Variants in RBM3 observed in about 807,000 individuals in gnomAD.
RBM3 encodes the protein RNA binding motif protein 3, also known as RNA-binding protein 3.
In RBM3, 3 loss-of-function variants were observed where a neutral mutation model predicts 12.0. That is an observed-to-expected ratio of 0.25 (90% CI 0.11 to 0.65). The LOEUF (loss-of-function observed/expected upper bound fraction) is 0.65. RBM3 is among the 30% of genes least tolerant of loss of function. The pLI is 0.84. For synonymous variants in RBM3, 58 were observed against 45.7 expected, an observed-to-expected ratio of 1.27 and a Z score of -1.08; for missense variants, 108 against 134.5, an observed-to-expected ratio of 0.80 and a Z score of 0.97.
chrX:48,575,691 G>T, intron 3 of RBM3, 24 bp downstream of exon 3: 1 of 1,164,553 alleles, frequency 8.6e-7, no homozygotes, highest in Non-Finnish European at 1.2e-6. Context: ...TCTGCAGAGG[G>T]ACCTTGTCCC....
chrX:48,575,094 T>C (rs1556988920), intron 1 of RBM3, 74 bp from the exon 2 acceptor site: 3 of 753,260 alleles, frequency 4.0e-6, no homozygotes, highest in African/African-American at 2.1e-5. Context: ...TTTCTCTGCT[T>C]TCCGTCTCGC....
Position 48,579,986 on chromosome X carries a change from C to T in RBM3, c.*2545C>T, listed in dbSNP as rs1214202225. ...GACCACCCTTAAAGTGCTTGTTGGT[C>T]TCCTACTTTGGTTTGTCTTCAGCAT... is the stretch of plus-strand genomic sequence containing the variant. On this transcript the variant is annotated 3_prime_UTR_variant, in exon 7 of 7. Transcript: ENST00000376759. The T allele has an allele frequency of 9.0e-6, 1 of 110,917 alleles. No homozygotes were observed. Among genetic ancestry groups the T allele is most frequent in the Non-Finnish European group, 1.9e-5 (1 of 52,997 alleles). The allele number at this position is 110,917 out of a possible 1,213,427, so 9.1% of individuals were successfully genotyped here. A position where few individuals can be genotyped will look rare whatever the true frequency, so the allele number is the denominator to read the frequency against.
rs1260588764 is a variant in RBM3 at position 48,575,590 on chromosome X, C to T, written c.133C>T (p.Arg45Trp). 8.3e-7 allele frequency: 1 copy of T among 1,210,784 alleles called. No homozygotes were observed. The highest frequency in any genetic ancestry group is 1.1e-6 in the Non-Finnish European group (1 of 894,923). The change falls in exon 3 of 7, where the codon CGG becomes TGG. Residue 45 changes from arginine to tryptophan, a missense_variant. Coordinates refer to ENST00000376759, the MANE Select transcript of RBM3 (RefSeq NM_006743.5). ...VVVVKDRETQRSRGFGFITFT... is the reference protein window; with the variant it reads ...VVVVKDRETQWSRGFGFITFT... ...CGTTGTCAAGGACCGGGAGACTCAGCGGTCCAGGGGTTTTGGTTTCATCAC... is the reference window on the plus strand; with the variant it reads ...CGTTGTCAAGGACCGGGAGACTCAGTGGTCCAGGGGTTTTGGTTTCATCAC...
intron 1 of RBM3, 53 bp from the exon 2 acceptor site, chrX:48,575,115 C>A (rs1556988926): frequency 3.4e-6 from 3 of 895,521 alleles, no homozygotes; most frequent in Non-Finnish European, 4.8e-6. Context: ...TATTTTCTCA[C>A]ATCTCCATTT....
At chrX:48,576,261 A>G (rs1556989176) in intron 3 of RBM3, 53 bp from the exon 4 acceptor site, 1 of 1,176,907 alleles carries the variant, frequency 8.5e-7, no homozygotes, top group Non-Finnish European at 1.1e-6. Context: ...CTCTTCCCTC[A>G]CCATTGCCCT....
At position 48,577,107 on chromosome X, in the gene RBM3, T is replaced by C. The variant is rs781967715; in HGVS notation, c.*21T>C. On this transcript the variant is annotated splice_region_variant and 3_prime_UTR_variant, in exon 6 of 7. Coordinates refer to ENST00000376759, the MANE Select transcript of RBM3 (RefSeq NM_006743.5). Reference sequence around the variant, plus strand: ...ACTGAAATGAGACATGCACATAATATAGGTGAGACTTGGATATCGGCATTG... The same window carrying C: ...ACTGAAATGAGACATGCACATAATACAGGTGAGACTTGGATATCGGCATTG... 2.5e-6 allele frequency: 3 copies of C among 1,211,704 alleles called. No individual in the cohort carries two copies. The highest frequency in any genetic ancestry group is 3.0e-5 in the East Asian group (1 of 33,855).
chrX:48,575,815 G>C, intron 3 of RBM3, 148 bp downstream of exon 3: 1 of 619,003 alleles, frequency 1.6e-6, no homozygotes, highest in South Asian at 3.0e-5. Flanking sequence ...TTTGTTCTAG[G>C]GGGTGGAGGG....
chrX:48,577,332 T>C (rs2062085530), intron 6 of RBM3, 133 bp from the exon 7 acceptor site: 3 of 904,441 alleles, frequency 3.3e-6, no homozygotes. Context: ...TCTTCTACTC[T>C]TGTGTGGGAT....
chrX:48,576,896 C>T, intron 5 of RBM3, 130 bp from the exon 6 acceptor site: 1 of 855,413 alleles, frequency 1.2e-6, no homozygotes, highest in Non-Finnish European at 1.6e-6. Context: ...TACTCATATG[C>T]TTAACATATC....
chrX:48,574,596 A>C (rs1310627426), intron 1 of RBM3, 23 bp downstream of exon 1: 5 of 330,510 alleles, frequency 1.5e-5, no homozygotes, highest in Non-Finnish European at 1.8e-5. Context: ...TGTCCTGCGA[A>C]ACGGCGGCTC....
At chrX:48,574,889 G>A in intron 1 of RBM3, 1 of 409,317 alleles carries the variant, frequency 2.4e-6, no homozygotes, top group Non-Finnish European at 4.5e-6. Context: ...AGGGAACGCA[G>A]GGATGTTCTG....
intron 5 of RBM3, 124 bp downstream of exon 5, chrX:48,576,728 T>C: frequency 9.6e-7 from 1 of 1,043,519 alleles, no homozygotes; most frequent in Non-Finnish European, 1.3e-6. Flanking sequence ...AGTATGAAAT[T>C]TAGCATTTTA....
At position 48,574,484 on chromosome X, in the gene RBM3, AT is replaced by A; in HGVS notation, c.-102del. 1 of 327,788 alleles carries A rather than the reference AT, an allele frequency of 3.1e-6. No individual in the cohort carries two copies. Among genetic ancestry groups the A allele is most frequent in the Non-Finnish European group, 5.9e-6 (1 of 168,223 alleles). The allele number at this position is 327,788 out of a possible 1,213,427, so 27.0% of individuals were successfully genotyped here. On this transcript the variant is annotated 5_prime_UTR_variant, in exon 1 of 7. Coordinates refer to ENST00000376759, the MANE Select transcript of RBM3 (RefSeq NM_006743.5). ...GGGACGTTCTCGCTACGTACTCTTTATCAATCGTCTTCCGGCGCAGCCCCGT... is the reference window on the plus strand; with the variant it reads ...GGGACGTTCTCGCTACGTACTCTTTACAATCGTCTTCCGGCGCAGCCCCGT...
intron 3 of RBM3, 102 bp downstream of exon 3, chrX:48,575,769 G>C: frequency 1.3e-6 from 1 of 740,910 alleles, no homozygotes. Flanking sequence ...TGGCCACCAA[G>C]CCCCGCAGTG....
rs1480480692 is a variant in RBM3, at chrX:48,578,596, G to A, written c.*1155G>A. On this transcript the variant is annotated 3_prime_UTR_variant, in exon 7 of 7. Transcript: ENST00000376759. ...AAAAAAAAAAAAATGGCACATCAAC[G>A]AGAGGGAGGCTTGGAGAATATTTGG... 9.1e-6 allele frequency: 1 copy of A among 110,460 alleles called. No homozygotes were observed. Among genetic ancestry groups the A allele is most frequent in the African/African-American group, 3.3e-5 (1 of 30,406 alleles). 9.1% of individuals were successfully genotyped at this position (110,460 alleles called of 1,213,427 possible). A position where few individuals can be genotyped will look rare whatever the true frequency, so the allele number is the denominator to read the frequency against.
At chrX:48,574,676 C>T (rs1556988780) in intron 1 of RBM3, 103 bp downstream of exon 1, 1 of 331,326 alleles carries the variant, frequency 3.0e-6, no homozygotes, top group Non-Finnish European at 5.9e-6. Context: ...GCCACTGACA[C>T]GTAGGCTTGG....
In RBM3 at chrX:48,577,539, C is replaced by T; in HGVS notation, c.*98C>T. ...ATTTATAAAGGTTTTTGGAGCTGCA[C>T]CGAAGCATCTTATTTTATAGTATAT... is the stretch of plus-strand genomic sequence containing the variant. On this transcript the variant is annotated 3_prime_UTR_variant, in exon 7 of 7. Transcript: ENST00000376759. 1.0e-6 allele frequency: 1 copy of T among 970,704 alleles called. No homozygotes were observed. Among genetic ancestry groups the T allele is most frequent in the Non-Finnish European group, 1.3e-6 (1 of 741,975 alleles). The allele number at this position is 970,704 out of a possible 1,213,427, so 80.0% of individuals were successfully genotyped here.
rs1556988717 is a variant in RBM3 at position 48,574,505 on chromosome X, C to T, written c.-82C>T. On this transcript the variant is annotated 5_prime_UTR_variant, in exon 1 of 7. Transcript: ENST00000376759. ...CTTTATCAATCGTCTTCCGGCGCAG[C>T]CCCGTCCCTGTTTTTTGTGCTCCTC... 2.1e-5 allele frequency: 7 copies of T among 329,638 alleles called. 1 individual carries two copies. The highest frequency in any genetic ancestry group is 4.4e-4 in the Middle Eastern group (1 of 2,252). 27.2% of individuals were successfully genotyped at this position (329,638 alleles called of 1,213,427 possible).
Position 48,581,130 on chromosome X carries a change from ATTC to A in RBM3, c.*3692_*3694del, listed in dbSNP as rs1485210815. ...ATTGTTAAAAGCAGTTCATGCCATTATTCTTAATAAACATTTCTAATATGCTGT... is the reference window on the plus strand; with the variant it reads ...ATTGTTAAAAGCAGTTCATGCCATTATTAATAAACATTTCTAATATGCTGT... On this transcript the variant is annotated 3_prime_UTR_variant, in exon 7 of 7. Transcript: ENST00000376759. The A allele has an allele frequency of 5.5e-5, 6 of 109,836 alleles. No homozygotes were observed. Among genetic ancestry groups the A allele is most frequent in the Admixed American group, 2.9e-4 (3 of 10,185 alleles). 9.1% of individuals were successfully genotyped at this position (109,836 alleles called of 1,213,427 possible).
Sources: gnomAD v4.1 joint callset for allele counts on GRCh38, gnomAD v4.1.1 for gene constraint, MANE v1.5 for transcripts, NCBI Gene and HGNC (gene_info 2026-07-23, HGNC 2026-07-21) for gene names.